Variants in LRRC2 observed in about 807,000 individuals in gnomAD.
The protein encoded by LRRC2 is leucine rich repeat containing 2.
A neutral mutation model predicts 40.2 loss-of-function variants in LRRC2; 27 were observed. The observed-to-expected ratio is 0.67, with a 90% confidence interval of 0.49 to 0.93. The LOEUF (loss-of-function observed/expected upper bound fraction) is 0.93. Ranked by LOEUF, LRRC2 falls within the 40% of genes least tolerant of loss-of-function variation. LRRC2 has a pLI of 0.00. For missense variants in LRRC2, 402 were observed against 439.6 expected (o/e 0.91, Z 0.76); for synonymous variants, 147 against 158.9 (o/e 0.92, Z 0.56).
intron 1 of LRRC2, among the ~76,000 whole-genome samples, chr3:46,556,610 G>A (rs1363463075): frequency 7.4e-5 from 9 of 122,228 alleles, no homozygotes; most frequent in South Asian, 2.5e-4. Flanking sequence ...ACAGAGTCTC[G>A]CTCTGTCGCC....
intron 1 of LRRC2, among the ~76,000 whole-genome samples, chr3:46,562,061 T>C (rs1704956708): frequency 6.6e-6 from 1 of 152,324 alleles, no homozygotes; most frequent in South Asian, 2.1e-4. Flanking sequence ...AGGTAGAACT[T>C]AATTCCTCCC....
intron 3 of LRRC2, among the ~76,000 whole-genome samples, chr3:46,542,530 G>GAA (rs200309007): frequency 7.5e-6 from 1 of 132,458 alleles, no homozygotes; most frequent in Non-Finnish European, 1.6e-5. Context: ...AAGAAGAAAA[G>GAA]AAAAAAAAAA....
intron 1 of LRRC2, chr3:46,558,448 G>A (rs1339301467): frequency 6.6e-6 from 1 of 152,200 alleles, no homozygotes; most frequent in Non-Finnish European, 1.5e-5. Flanking sequence ...CAGTCTTCGT[G>A]GTGCTATTCA....
intron 1 of LRRC2, chr3:46,557,278 C>T (rs1704826035): frequency 6.5e-6 from 1 of 153,918 alleles, no homozygotes; most frequent in African/African-American, 2.4e-5. Context: ...CTCAAAAACT[C>T]CCCCACTGAG....
intron 2 of LRRC2, among the ~76,000 whole-genome samples, chr3:46,547,706 A>ATGTG (rs61273277): frequency 5.9e-4 from 88 of 149,998 alleles, no homozygotes; most frequent in African/African-American, 2.1e-3. Context: ...GTGTGTGTGT[A>ATGTG]TGTGTGTGTG....
chr3:46,527,527 G>A lies in LRRC2; in HGVS notation c.828C>T (p.Pro276=). 6.2e-7 allele frequency: 1 copy of A among 1,613,952 alleles called. No homozygotes were observed. Among genetic ancestry groups the A allele is most frequent in the Non-Finnish European group, 8.5e-7 (1 of 1,179,830 alleles). The change falls in exon 7 of 9, where the codon CCC becomes CCT. Residue 276 remains proline (P), a synonymous_variant. Transcript: ENST00000395905. ...GCTTCTTCAGGTTCAGCATGGAATA[G>A]GGAAGGTAGGTCAACTTGTTTTTAT... ...LLYKNKLTYL[P]YSMLNLKKLT...
At chr3:46,545,975 GT>G (rs952916008) in intron 2 of LRRC2, among the ~76,000 whole-genome samples, 2 of 152,174 alleles carry the variant, frequency 1.3e-5, no homozygotes, top group Admixed American at 6.5e-5. Flanking sequence ...AAAACAAGAT[GT>G]TTTGTGGTTT....
chr3:46,559,729 T>C (rs776292265), intron 1 of LRRC2: 2 of 152,224 alleles, frequency 1.3e-5, no homozygotes, highest in Non-Finnish European at 2.9e-5. Context: ...CCTGGAATTA[T>C]GAAATTTAAT....
chr3:46,543,910 T>C (rs72902152), intron 3 of LRRC2, among the ~76,000 whole-genome samples: 7,481 of 139,912 alleles, frequency 0.053, 644 homozygotes, highest in African/African-American at 0.17. Context: ...AATAACCTCT[T>C]GCATTTTTGG....
At chr3:46,563,100 A>C (rs1704982491) in intron 1 of LRRC2, among the ~76,000 whole-genome samples, 1 of 151,926 alleles carries the variant, frequency 6.6e-6, no homozygotes, top group East Asian at 1.9e-4. Context: ...ACACACATGC[A>C]TGCACACACA....
chr3:46,539,305 C>A lies in LRRC2; in HGVS notation c.334-104G>T, dbSNP rs1039668855. ...AAAACAGGAAGTGAGAAAGCAGACA[C>A]GAGAGCATAAAACTTAACCACCAGC... is the stretch of plus-strand genomic sequence containing the variant. On this transcript the variant is annotated intron_variant, in intron 3 of 8. Coordinates refer to ENST00000395905, the MANE Select transcript of LRRC2 (RefSeq NM_024512.5). 8 of 1,134,562 alleles carry A rather than the reference C, an allele frequency of 7.1e-6. No individual in the cohort carries two copies. The African/African-American group carries it at 1.3e-4, about 18-fold the overall frequency. 70.3% of individuals were successfully genotyped at this position (1,134,562 alleles called of 1,614,324 possible).
chr3:46,544,236 A>T (rs1284003227), intron 3 of LRRC2, among the ~76,000 whole-genome samples: 1 of 152,074 alleles, frequency 6.6e-6, no homozygotes, highest in African/African-American at 2.4e-5. Flanking sequence ...AAAAATACAA[A>T]GCCCGGGCGT....
chr3:46,545,379 C>G, intron 2 of LRRC2, 126 bp from the exon 3 acceptor site: 1 of 749,044 alleles, frequency 1.3e-6, no homozygotes, highest in Non-Finnish European at 2.2e-6. Context: ...TAAGCACTCC[C>G]TTCCTCTTTC....
intron 5 of LRRC2, 136 bp downstream of exon 5, chr3:46,532,636 CG>C: frequency 1.0e-6 from 1 of 968,400 alleles, no homozygotes; most frequent in East Asian, 2.5e-5. Context: ...GACCAGTATA[CG>C]GTGATTGAAA....
At chr3:46,522,751 A>G (rs2106977467) in intron 7 of LRRC2, among the ~76,000 whole-genome samples, 1 of 147,182 alleles carries the variant, frequency 6.8e-6, no homozygotes, top group East Asian at 2.0e-4. Flanking sequence ...TAAAAGATGA[A>G]CTACTGCTAA....
intron 3 of LRRC2, among the ~76,000 whole-genome samples, chr3:46,540,007 A>T (rs1230429115): frequency 6.6e-6 from 1 of 152,214 alleles, no homozygotes; most frequent in Non-Finnish European, 1.5e-5. Flanking sequence ...ACGCACCATC[A>T]GCAAAGTGGC....
chr3:46,543,120 C>T (rs1704433151), intron 3 of LRRC2, among the ~76,000 whole-genome samples: 1 of 152,310 alleles, frequency 6.6e-6, no homozygotes, highest in Middle Eastern at 3.4e-3. Flanking sequence ...CTGAAATTCA[C>T]TCTAAAGAAT....
chr3:46,554,557 G>C (rs1559420020), intron 1 of LRRC2, among the ~76,000 whole-genome samples: 1 of 151,346 alleles, frequency 6.6e-6, no homozygotes, highest in Non-Finnish European at 1.5e-5. Flanking sequence ...AGGCAGAATT[G>C]CTTGAACCTG....
chr3:46,521,148 A>C (rs1018931563), intron 8 of LRRC2, among the ~76,000 whole-genome samples: 4 of 152,148 alleles, frequency 2.6e-5, no homozygotes, highest in African/African-American at 9.7e-5. Flanking sequence ...ACTTTTTCAA[A>C]AGTTGAATGT....
Sources: gnomAD v4.1 joint callset for allele counts (sites outside exome capture counted in the v4.1 genomes callset) on GRCh38, gnomAD v4.1.1 for gene constraint, MANE v1.5 for transcripts, NCBI Gene and HGNC (gene_info 2026-07-23, HGNC 2026-07-21) for gene names.